The following KLRG1 variants were observed in gnomAD, a reference collection of about 807,000 sequenced individuals.
KLRG1 encodes the protein killer cell lectin like receptor G1.
A neutral mutation model predicts 21.8 loss-of-function variants in KLRG1; 16 were observed. The observed-to-expected ratio is 0.73, with a 90% CI of 0.50 to 1.11. The LOEUF (loss-of-function observed/expected upper bound fraction) is 1.11, where lower values mean the gene tolerates loss of function less well. Ranked by LOEUF, KLRG1 falls within the 50% of genes most tolerant of loss-of-function variation. The pLI is 0.00. For synonymous variants in KLRG1, 69 were observed against 75.9 expected (o/e 0.91, Z 0.47); for missense variants, 173 against 218.3 (o/e 0.79, Z 1.31).
At chr12:9,136,662 C>T in the KLRG1 span, among the ~76,000 whole-genome samples, 16 of 151,996 alleles carry the variant, frequency 1.1e-4, no homozygotes, top group Admixed American at 2.6e-4. Flanking sequence ...TACAAAGATT[C>T]CAGTTTTCTC....
At chr12:9,204,429 A>G in the KLRG1 span, among the ~76,000 whole-genome samples, 1 of 152,254 alleles carries the variant, frequency 6.6e-6, no homozygotes, top group Admixed American at 6.5e-5. Flanking sequence ...ATTTACAGAA[A>G]TTCAACTGAA....
chr12:9,154,665 T>C, the KLRG1 span: 4 of 1,614,202 alleles, frequency 2.5e-6, 1 homozygote, highest in Admixed American at 3.3e-5. Flanking sequence ...CATGATCCAC[T>C]TCACAATGTT....
the KLRG1 span, chr12:9,111,570 A>G: frequency 2.2e-6 from 1 of 456,084 alleles, no homozygotes; most frequent in African/African-American, 2.0e-5. Context: ...TGGGTATGAG[A>G]GAAAGAGAAA....
the KLRG1 span, among the ~76,000 whole-genome samples, chr12:9,049,287 A>T: frequency 6.6e-6 from 1 of 152,124 alleles, no homozygotes; most frequent in Non-Finnish European, 1.5e-5. Flanking sequence ...AGAGTGGTGG[A>T]TCTAGAATGG....
At chr12:9,134,763 G>A in the KLRG1 span, among the ~76,000 whole-genome samples, 1 of 152,212 alleles carries the variant, frequency 6.6e-6, no homozygotes, top group Non-Finnish European at 1.5e-5. Flanking sequence ...AAAGAAGTTC[G>A]CCCTTCGGTG....
chr12:9,140,227 T>G, the KLRG1 span, among the ~76,000 whole-genome samples: 4 of 152,142 alleles, frequency 2.6e-5, no homozygotes, highest in African/African-American at 9.7e-5. Context: ...AAAGATTAAT[T>G]AGGCAGGGTA....
chr12:8,954,161 G>A (rs1213033773), intron 1 of KLRG1, among the ~76,000 whole-genome samples: 1 of 152,154 alleles, frequency 6.6e-6, no homozygotes, highest in Non-Finnish European at 1.5e-5. Context: ...AGGACATCAT[G>A]CTGAGTGAAA....
chr12:8,998,378 C>A (rs922442707), intron 3 of KLRG1, among the ~76,000 whole-genome samples: 1 of 151,780 alleles, frequency 6.6e-6, no homozygotes, highest in Non-Finnish European at 1.5e-5. Flanking sequence ...GGCTACAAAT[C>A]TGGCAGAGCC....
chr12:9,109,768 C>A, the KLRG1 span: 32 of 1,206,422 alleles, frequency 2.7e-5, no homozygotes, highest in Non-Finnish European at 3.5e-5. Flanking sequence ...CCAATGTCAC[C>A]CATGGGAAAT....
At chr12:9,202,183 A>T in the KLRG1 span, 6 of 767,654 alleles carry the variant, frequency 7.8e-6, no homozygotes, top group Admixed American at 1.1e-4. Context: ...TAAGACTGCA[A>T]ATCTGTGCTG....
the KLRG1 span, chr12:9,028,701 C>T: frequency 1.1e-4 from 54 of 470,602 alleles, no homozygotes; most frequent in Middle Eastern, 1.3e-3. Context: ...CTTGGCCCCC[C>T]AAAGTGCTGG....
chr12:9,106,691 G>C, the KLRG1 span: 7 of 637,322 alleles, frequency 1.1e-5, no homozygotes, highest in African/African-American at 3.7e-5. Context: ...TGATTTTTGT[G>C]GGGGGACAAC....
At chr12:9,002,910 T>TACACAC (rs59706974) in intron 3 of KLRG1, among the ~76,000 whole-genome samples, 15,917 of 144,558 alleles carry the variant, frequency 0.11, 914 homozygotes, top group Admixed American at 0.12. Context: ...CTCTTTCTAA[T>TACACAC]ACACACACAC....
the KLRG1 span, among the ~76,000 whole-genome samples, chr12:9,139,217 A>T: frequency 6.6e-6 from 1 of 151,936 alleles, no homozygotes; most frequent in Non-Finnish European, 1.5e-5. Flanking sequence ...TTTAATATCT[A>T]TGTATTTTTT....
chr12:9,201,433 G>A, the KLRG1 span: 1 of 1,026,984 alleles, frequency 9.7e-7, no homozygotes. Flanking sequence ...ACAAACTGAG[G>A]AAGAATATTA....
At chr12:8,997,200 T>TGGGGCTCCTTGGGGCCCCTTGG (rs1204388400) in intron 3 of KLRG1, among the ~76,000 whole-genome samples, 7 of 152,146 alleles carry the variant, frequency 4.6e-5, no homozygotes, top group Non-Finnish European at 8.8e-5. Context: ...GAGTTTATTT[T>TGGGGCTCCTTGGGGCCCCTTGG]CTCCTAAGGC....
chr12:8,967,145 T>C (rs1339414789), intron 1 of KLRG1, among the ~76,000 whole-genome samples: 3 of 121,842 alleles, frequency 2.5e-5, no homozygotes, highest in Admixed American at 1.1e-4. Flanking sequence ...TGAGAACACA[T>C]GGACACAGGA....
intron 1 of KLRG1, among the ~76,000 whole-genome samples, chr12:8,976,706 T>C (rs1946661784): frequency 2.0e-5 from 3 of 152,234 alleles, no homozygotes; most frequent in Non-Finnish European, 2.9e-5. Context: ...TTTATCAATA[T>C]AAAATTACCT....
chr12:9,080,267 C>CT, the KLRG1 span: 1 of 778,524 alleles, frequency 1.3e-6, no homozygotes, highest in African/African-American at 1.8e-5. Context: ...AGGACTATGC[C>CT]TTATACCTAA....
Sources: allele counts gnomAD v4.1 joint callset (sites outside exome capture counted in the v4.1 genomes callset), GRCh38; gene constraint gnomAD v4.1.1; transcripts MANE v1.5; gene names NCBI Gene and HGNC (gene_info 2026-07-23, HGNC 2026-07-21).